TACR1: variants seen among roughly 807,000 people sequenced by gnomAD.
TACR1 encodes the protein tachykinin receptor 1, also known as substance-P receptor.
Under a neutral mutation model 35.8 loss-of-function variants are expected in TACR1, and 25 were observed. The observed-to-expected ratio is 0.70, with a 90% confidence interval of 0.51 to 0.98. TACR1 has a LOEUF of 0.98. TACR1 is among the 50% of genes least tolerant of loss of function. The pLI is 0.00. For missense variants in TACR1, 478 were observed against 522.9 expected, an observed-to-expected ratio of 0.91 and a Z score of 0.84; for synonymous variants, 195 against 206.7, an observed-to-expected ratio of 0.94 and a Z score of 0.48.
chr2:75,079,965 C>T (rs1256607309), intron 2 of TACR1, among the ~76,000 whole-genome samples: 1 of 152,144 alleles, frequency 6.6e-6, no homozygotes, highest in Non-Finnish European at 1.5e-5. Flanking sequence ...TCACAAGGTA[C>T]AGAGAAGTTT....
intron 1 of TACR1, among the ~76,000 whole-genome samples, chr2:75,127,075 A>G (rs7563461): frequency 0.065 from 9,929 of 152,264 alleles, 597 homozygotes; most frequent in African/African-American, 0.16. Flanking sequence ...TCTATATGGC[A>G]TCACCCTCTG....
intron 2 of TACR1, among the ~76,000 whole-genome samples, chr2:75,072,190 G>C (rs949176423): frequency 6.6e-6 from 1 of 152,000 alleles, no homozygotes; most frequent in Non-Finnish European, 1.5e-5. Flanking sequence ...AGGGCACAGA[G>C]GGAGAGAAGG....
At chr2:75,188,576 T>G (rs1417719387) in intron 1 of TACR1, 2 of 152,236 alleles carry the variant, frequency 1.3e-5, no homozygotes, top group Non-Finnish European at 2.9e-5. Flanking sequence ...CAGATTATTT[T>G]TTATTATCTG....
At chr2:75,088,720 G>C (rs1304690474) in intron 2 of TACR1, among the ~76,000 whole-genome samples, 1 of 152,100 alleles carries the variant, frequency 6.6e-6, no homozygotes, top group African/African-American at 2.4e-5. Context: ...CATGTGTGGG[G>C]TGATGGGGGT....
intron 2 of TACR1, among the ~76,000 whole-genome samples, chr2:75,058,409 C>T (rs1202717709): frequency 6.6e-6 from 1 of 152,180 alleles, no homozygotes; most frequent in Non-Finnish European, 1.5e-5. Flanking sequence ...TTTCATTCTG[C>T]TATTTCCTAG....
At chr2:75,146,951 G>T (rs573290141) in intron 1 of TACR1, among the ~76,000 whole-genome samples, 2 of 152,240 alleles carry the variant, frequency 1.3e-5, no homozygotes, top group South Asian at 4.2e-4. Context: ...TTCCAGGATG[G>T]GTTCTGTAAC....
At chr2:75,094,851 ATATATATAT>A (rs1425046263) in intron 2 of TACR1, among the ~76,000 whole-genome samples, 33 of 88,864 alleles carry the variant, frequency 3.7e-4, no homozygotes, top group Admixed American at 6.8e-4. Flanking sequence ...ATATATATAT[ATATATATAT>A]TTTTTTTTTT....
intron 1 of TACR1, among the ~76,000 whole-genome samples, chr2:75,179,772 G>A (rs1675518693): frequency 6.6e-6 from 1 of 152,202 alleles, no homozygotes; most frequent in Admixed American, 6.5e-5. Context: ...TGAGCCACAT[G>A]ATGGAAACAA....
At chr2:75,070,145 T>C (rs1370852351) in intron 2 of TACR1, among the ~76,000 whole-genome samples, 2 of 152,200 alleles carry the variant, frequency 1.3e-5, no homozygotes, top group African/African-American at 2.4e-5. Flanking sequence ...TATTATGTCA[T>C]TTATTTTGCT....
In TACR1 at chr2:75,070,883, G is replaced by A. The variant is rs1259006418; in HGVS notation, c.585-17128C>T. Among the ~76,000 whole-genome samples, 3 of 152,264 alleles carry A rather than the reference G, an allele frequency of 2.0e-5. No individual in the cohort carries two copies. The East Asian group carries it at 5.8e-4, about 29-fold the overall frequency. ...CTCTATGGCAGGGGCCGCAAACTATGGCCCCAGTTCAAAGCAAGTCGCCAT... is the reference window on the plus strand; with the variant it reads ...CTCTATGGCAGGGGCCGCAAACTATAGCCCCAGTTCAAAGCAAGTCGCCAT... On this transcript the variant is annotated intron_variant, in intron 2 of 4. Transcript: ENST00000305249.
chr2:75,176,012 CAAAAAAAAA>C (rs34884122), intron 1 of TACR1, among the ~76,000 whole-genome samples: 5 of 109,598 alleles, frequency 4.6e-5, no homozygotes, highest in African/African-American at 1.0e-4. Flanking sequence ...TTGAGCTGTC[CAAAAAAAAA>C]AAAAAAAAAA....
chr2:75,067,816 G>A (rs1337368503), intron 2 of TACR1, among the ~76,000 whole-genome samples: 2 of 152,172 alleles, frequency 1.3e-5, no homozygotes, highest in African/African-American at 2.4e-5. Context: ...GAGTGGAGGG[G>A]TTGAGGGGTG....
intron 1 of TACR1, among the ~76,000 whole-genome samples, chr2:75,183,402 GGTTA>G (rs1675605910): frequency 6.6e-6 from 1 of 152,122 alleles, no homozygotes; most frequent in Admixed American, 6.5e-5. Flanking sequence ...TCTCTAAAAA[GGTTA>G]ATTATTGAGA....
chr2:75,142,996 A>AT (rs1674440104), intron 1 of TACR1, among the ~76,000 whole-genome samples: 1 of 152,144 alleles, frequency 6.6e-6, no homozygotes, highest in Non-Finnish European at 1.5e-5. Context: ...GGGTCAGCTG[A>AT]TGTGATTCTG....
chr2:75,137,865 C>G (rs1674330840), intron 1 of TACR1, among the ~76,000 whole-genome samples: 1 of 150,716 alleles, frequency 6.6e-6, no homozygotes, highest in Non-Finnish European at 1.5e-5. Context: ...CATCTACTTT[C>G]TCTATACTCT....
chr2:75,095,465 G>A (rs1673403558), intron 2 of TACR1, among the ~76,000 whole-genome samples: 1 of 152,202 alleles, frequency 6.6e-6, no homozygotes, highest in Non-Finnish European at 1.5e-5. Flanking sequence ...AAATCTTGGA[G>A]AAGGGTAGGG....
rs1672399412 is a variant in TACR1 at position 75,048,364 on chromosome 2, A to G, written c.*1068T>C. ...TGCAGCTATGAAATTCTGCCTGCTA[A>G]AGCTGGATGGATGCAGGCCTTGGCA... is the stretch of plus-strand genomic sequence containing the variant. On this transcript the variant is annotated 3_prime_UTR_variant, in exon 5 of 5. Coordinates refer to ENST00000305249, the MANE Select transcript of TACR1 (RefSeq NM_001058.4). The G allele has an allele frequency of 1.3e-5, 2 of 152,214 alleles. No individual in the cohort carries two copies. The highest frequency in any genetic ancestry group is 4.1e-4 in the South Asian group (2 of 4,834). 9.4% of individuals were successfully genotyped at this position (152,214 alleles called of 1,614,324 possible).
chr2:75,084,371 T>A (rs539779749), intron 2 of TACR1, among the ~76,000 whole-genome samples: 27 of 152,362 alleles, frequency 1.8e-4, no homozygotes, highest in Admixed American at 7.2e-4. Flanking sequence ...TCATCAGGGA[T>A]ATTGGTCTAA....
intron 1 of TACR1, among the ~76,000 whole-genome samples, chr2:75,156,602 C>CAAAAA (rs58048867): frequency 6.5e-5 from 7 of 108,442 alleles, no homozygotes; most frequent in East Asian, 2.8e-4. Context: ...GACTCCGTCT[C>CAAAAA]AAAAAAAAAA....
Sources: allele counts gnomAD v4.1 joint callset (sites outside exome capture counted in the v4.1 genomes callset), GRCh38; gene constraint gnomAD v4.1.1; transcripts MANE v1.5; gene names NCBI Gene and HGNC (gene_info 2026-07-23, HGNC 2026-07-21).